The following KLHDC10 variants were observed in gnomAD, a reference collection of about 807,000 sequenced individuals.
KLHDC10 encodes kelch domain containing 10.
KLHDC10 carries 24 observed loss-of-function variants against 56.1 expected under a neutral mutation model. The observed-to-expected ratio is 0.43, with a 90% CI of 0.31 to 0.60. The LOEUF (loss-of-function observed/expected upper bound fraction) is 0.60. Ranked by LOEUF, KLHDC10 falls within the 20% of genes least tolerant of loss-of-function variation. The probability of loss-of-function intolerance (pLI) is 0.11; values close to 1 mark genes in which losing one functional copy is unlikely to be tolerated. For synonymous variants in KLHDC10, 188 were observed against 207.1 expected, an observed-to-expected ratio of 0.91 and a Z score of 0.79; for missense variants, 349 against 567.0, an observed-to-expected ratio of 0.62 and a Z score of 3.91.
Position 130,070,691 on chromosome 7 carries a change from C to G in KLHDC10, c.48C>G (p.Gly16=), listed in dbSNP as rs770613632. The G allele has an allele frequency of 3.8e-6, 5 of 1,299,022 alleles. No homozygotes were observed. The highest frequency in any genetic ancestry group is 1.5e-5 in the African/African-American group (1 of 65,798). The allele number at this position is 1,299,022 out of a possible 1,614,324, so 80.5% of individuals were successfully genotyped here. The part of the protein sequence containing the change: ...GWDRNRRRGG[G]AAGAGGGGSG... Reference sequence around the variant, plus strand: ...ACAGGAACCGCCGGAGGGGAGGAGGCGCCGCCGGCGCTGGTGGCGGAGGTA... The same window carrying G: ...ACAGGAACCGCCGGAGGGGAGGAGGGGCCGCCGGCGCTGGTGGCGGAGGTA... Residue 16 remains glycine, a synonymous_variant, in exon 1 of 10, where the codon GGC becomes GGG. Transcript: ENST00000335420.
chr7:130,106,142 G>A (rs954595841), intron 2 of KLHDC10, among the ~76,000 whole-genome samples: 4 of 148,106 alleles, frequency 2.7e-5, no homozygotes, highest in African/African-American at 5.0e-5. Flanking sequence ...GCAAAACTCC[G>A]TCTCAAAATA....
At chr7:130,119,173 C>T (rs1201631310) in intron 3 of KLHDC10, among the ~76,000 whole-genome samples, 1 of 149,906 alleles carries the variant, frequency 6.7e-6, no homozygotes. Context: ...CATGCCACTG[C>T]ACTCCAGCTA....
At chr7:130,112,870 T>C (rs1157028906) in intron 2 of KLHDC10, among the ~76,000 whole-genome samples, 1 of 152,172 alleles carries the variant, frequency 6.6e-6, no homozygotes, top group African/African-American at 2.4e-5. Flanking sequence ...AAAAGTGTGA[T>C]TTGCAGAGAT....
intron 2 of KLHDC10, among the ~76,000 whole-genome samples, chr7:130,101,815 A>G (rs1795933736): frequency 6.6e-6 from 1 of 151,902 alleles, no homozygotes. Flanking sequence ...CTAAAAATAC[A>G]AAAAATTAGC....
At chr7:130,127,501 T>A in intron 8 of KLHDC10, 50 bp downstream of exon 8, 1 of 1,291,194 alleles carries the variant, frequency 7.7e-7, no homozygotes, top group Non-Finnish European at 1.1e-6. Context: ...TTGTATCTTC[T>A]GAAAATGTCT....
At chr7:130,129,292 G>C in intron 8 of KLHDC10, 145 bp from the exon 9 acceptor site, 1 of 781,718 alleles carries the variant, frequency 1.3e-6, no homozygotes, top group Non-Finnish European at 2.0e-6. Flanking sequence ...AACAGCATGA[G>C]AGGCTGCACA....
intron 1 of KLHDC10, among the ~76,000 whole-genome samples, chr7:130,076,287 G>A (rs751062988): frequency 2.6e-5 from 4 of 152,038 alleles, no homozygotes; most frequent in Non-Finnish European, 4.4e-5. Flanking sequence ...GCCATGGACC[G>A]GTACCAGGGG....
At chr7:130,103,617 C>T (rs565867028) in intron 2 of KLHDC10, among the ~76,000 whole-genome samples, 12 of 152,186 alleles carry the variant, frequency 7.9e-5, no homozygotes, top group Non-Finnish European at 1.6e-4. Flanking sequence ...GGATTTCTCA[C>T]CTGCAGCATG....
intron 2 of KLHDC10, among the ~76,000 whole-genome samples, chr7:130,111,646 A>T (rs1257574018): frequency 1.3e-5 from 2 of 152,134 alleles, no homozygotes; most frequent in African/African-American, 4.8e-5. Context: ...GAGAGGTTGA[A>T]GCTGCAGTGC....
chr7:130,115,667 A>G lies in KLHDC10; in HGVS notation c.254-778A>G, dbSNP rs1460009562. On this transcript the variant is annotated intron_variant, in intron 2 of 9. Coordinates refer to ENST00000335420, the MANE Select transcript of KLHDC10 (RefSeq NM_014997.4). ...GAGGCAGAGGTTGCAGTGAGCTGAG[A>G]TCGCGCCACTGCACTCCAGCCTGGG... 2.1e-5 allele frequency among the ~76,000 whole-genome samples: 3 copies of G among 144,360 alleles called. No individual in the cohort carries two copies. The East Asian group carries it at 6.1e-4, about 29-fold the overall frequency. The allele number at this position is 144,360 out of a possible 152,430, so 94.7% of individuals were successfully genotyped here.
intron 1 of KLHDC10, among the ~76,000 whole-genome samples, chr7:130,084,546 G>A (rs1370270352): frequency 6.6e-6 from 1 of 152,112 alleles, no homozygotes; most frequent in East Asian, 1.9e-4. Flanking sequence ...GGGAGGCCAA[G>A]GTGGGTGAAT....
At chr7:130,101,705 T>C (rs1267968711) in intron 2 of KLHDC10, among the ~76,000 whole-genome samples, 1 of 152,106 alleles carries the variant, frequency 6.6e-6, no homozygotes, top group African/African-American at 2.4e-5. Context: ...GTGCGGCGGC[T>C]CACACCTGTA....
intron 1 of KLHDC10, among the ~76,000 whole-genome samples, chr7:130,092,257 C>A (rs1379648328): frequency 1.3e-5 from 2 of 152,156 alleles, no homozygotes; most frequent in East Asian, 1.9e-4. Context: ...GGGTTTCTTG[C>A]TTTTTTCCAT....
chr7:130,120,858 T>C lies in KLHDC10; in HGVS notation c.585T>C (p.Ala195=). The C allele has an allele frequency of 6.2e-7, 1 of 1,614,114 alleles. No individual in the cohort carries two copies. The highest frequency in any genetic ancestry group is 8.5e-7 in the Non-Finnish European group (1 of 1,180,004). Reference sequence around the variant, plus strand: ...GTAATGTGAAGTATAAGAGATGGGCTTTGCTCAGCTGTCGGGGGAAGAAAC... The same window carrying C: ...GTAATGTGAAGTATAAGAGATGGGCCTTGCTCAGCTGTCGGGGGAAGAAAC... The part of the protein sequence containing the change: ...HVCNVKYKRW[A]LLSCRGKKPS... The change falls in exon 4 of 10, where the codon GCT becomes GCC. Residue 195 remains alanine, a synonymous_variant. Coordinates refer to ENST00000335420, the MANE Select transcript of KLHDC10 (RefSeq NM_014997.4). This position sits in a 1 kb window ranked among gnomAD's most constrained non-coding sequence, Gnocchi z 5.1.
At chr7:130,109,796 G>A (rs1217538266) in intron 2 of KLHDC10, among the ~76,000 whole-genome samples, 3 of 151,976 alleles carry the variant, frequency 2.0e-5, no homozygotes, top group African/African-American at 7.3e-5. Context: ...CCACCACCAC[G>A]CGTGGCTAAT....
chr7:130,096,854 C>T (rs1175995521), intron 1 of KLHDC10, 67 bp from the exon 2 acceptor site: 5 of 1,089,854 alleles, frequency 4.6e-6, no homozygotes, highest in Middle Eastern at 2.1e-4. Flanking sequence ...TTTATAACTA[C>T]AGTAACTATG....
intron 2 of KLHDC10, among the ~76,000 whole-genome samples, chr7:130,102,863 G>A (rs1795952325): frequency 6.6e-6 from 1 of 151,902 alleles, no homozygotes; most frequent in Non-Finnish European, 1.5e-5. Flanking sequence ...ACGCTTCCAT[G>A]GATAAAAAGT....
chr7:130,101,530 A>G (rs747781858), intron 2 of KLHDC10, among the ~76,000 whole-genome samples: 18 of 152,174 alleles, frequency 1.2e-4, no homozygotes, highest in Non-Finnish European at 2.6e-4. Flanking sequence ...CCTTCAAAAC[A>G]GTTACTTCCC....
At position 130,089,662 on chromosome 7, in the gene KLHDC10, T is replaced by C. The variant is rs186355516; in HGVS notation, c.167-7259T>C. On this transcript the variant is annotated intron_variant, in intron 1 of 9. Coordinates refer to ENST00000335420, the MANE Select transcript of KLHDC10 (RefSeq NM_014997.4). ...ATAGTCCCATGGGTACATTGGAGAA[T>C]AGAGTGAAGGCTGGATTTAGCCTCC... 1.2e-3 allele frequency among the ~76,000 whole-genome samples: 189 copies of C among 152,310 alleles called. 1 individual carries two copies. The highest frequency in any genetic ancestry group is 4.0e-3 in the African/African-American group (167 of 41,580).
Sources: gnomAD v4.1 joint callset for allele counts (sites outside exome capture counted in the v4.1 genomes callset) on GRCh38, gnomAD v4.1.1 for gene constraint, Gnocchi (gnomAD v3.1) non-coding constraint, MANE v1.5 for transcripts, NCBI Gene and HGNC (gene_info 2026-07-23, HGNC 2026-07-21) for gene names.